Variants in AP2B1 observed in about 807,000 individuals in gnomAD.
AP2B1 encodes AP-2 complex subunit beta.
A neutral mutation model predicts 102.0 loss-of-function variants in AP2B1; 23 were observed. The ratio of observed to expected loss-of-function variants is 0.23; its 90% CI spans 0.16 to 0.32. The LOEUF (loss-of-function observed/expected upper bound fraction) is 0.32, where lower values mean the gene tolerates loss of function less well. Among genes scored for constraint, AP2B1 ranks in the 10% least tolerant of loss-of-function variants. AP2B1 has a pLI of 1.00. For missense variants in AP2B1, 541 were observed against 1,157.4 expected, an observed-to-expected ratio of 0.47 and a Z score of 7.73; for synonymous variants, 381 against 421.2, an observed-to-expected ratio of 0.90 and a Z score of 1.17.
intron 12 of AP2B1, among the ~76,000 whole-genome samples, chr17:35,645,740 T>C (rs1178864865): frequency 6.6e-6 from 1 of 151,934 alleles, no homozygotes; most frequent in Admixed American, 6.6e-5. Flanking sequence ...TCCCAACTAC[T>C]CGGGAGGCTG....
At chr17:35,589,763 G>A (rs548017209) in intron 1 of AP2B1, among the ~76,000 whole-genome samples, 1 of 152,292 alleles carries the variant, frequency 6.6e-6, no homozygotes, top group Admixed American at 6.5e-5. Context: ...TGGTAGAAAG[G>A]TAGTGTGAGT....
At chr17:35,674,061 G>A (rs2142970589) in intron 16 of AP2B1, 115 bp from the exon 17 acceptor site, 1 of 1,024,896 alleles carries the variant, frequency 9.8e-7, no homozygotes, top group South Asian at 1.9e-5. Flanking sequence ...AATTGCCTAA[G>A]GAAGTGAATT....
chr17:35,704,141 G>A (rs141535903), intron 18 of AP2B1, among the ~76,000 whole-genome samples: 5 of 152,238 alleles, frequency 3.3e-5, no homozygotes, highest in African/African-American at 9.6e-5. Flanking sequence ...CATCAGGATT[G>A]GAATTAAACT....
intron 18 of AP2B1, among the ~76,000 whole-genome samples, chr17:35,693,509 T>G (rs1175372561): frequency 2.0e-5 from 3 of 152,126 alleles, no homozygotes; most frequent in African/African-American, 7.2e-5. Context: ...AAGGAAAGCC[T>G]AAGTTTATGG....
At chr17:35,605,940 A>G in intron 4 of AP2B1, 100 bp downstream of exon 4, 1 of 1,514,570 alleles carries the variant, frequency 6.6e-7, no homozygotes, top group Non-Finnish European at 8.8e-7. Flanking sequence ...ATGACTAGGA[A>G]TGTTCATGTT....
At chr17:35,669,605 G>T (rs1347699873) in intron 14 of AP2B1, among the ~76,000 whole-genome samples, 1 of 152,142 alleles carries the variant, frequency 6.6e-6, no homozygotes, top group East Asian at 1.9e-4. Context: ...ACCTACCAGG[G>T]TTATTTTCTT....
At chr17:35,692,623 C>A (rs947522618) in intron 18 of AP2B1, among the ~76,000 whole-genome samples, 2 of 152,124 alleles carry the variant, frequency 1.3e-5, no homozygotes, top group Non-Finnish European at 2.9e-5. Flanking sequence ...TGTTTACTCT[C>A]TTATATTTTG....
At chr17:35,698,015 A>G (rs1159004165) in intron 18 of AP2B1, among the ~76,000 whole-genome samples, 1 of 152,200 alleles carries the variant, frequency 6.6e-6, no homozygotes, top group Admixed American at 6.5e-5. Context: ...ATTTCTCTTT[A>G]CTTTTAAGAA....
At chr17:35,615,045 T>A (rs1023631327) in intron 5 of AP2B1, among the ~76,000 whole-genome samples, 1 of 152,124 alleles carries the variant, frequency 6.6e-6, no homozygotes, top group Non-Finnish European at 1.5e-5. Context: ...GTTTTCAACA[T>A]CCTTCAGTGT....
At position 35,636,404 on chromosome 17, in the gene AP2B1, G is replaced by A; in HGVS notation, c.1219G>A (p.Val407Ile). The change falls in exon 10 of 22, where the codon GTC (valine) becomes ATC (isoleucine). Residue 407 changes from valine to isoleucine, a missense_variant. By Grantham distance (29) the Val-to-Ile change is conservative (BLOSUM62 3). Around this residue, in one of 10 missense-constraint regions of AP2B1, gnomAD observed 106 missense variants for 296.4 expected, o/e 0.36. Coordinates refer to ENST00000610402, the MANE Select transcript of AP2B1 (RefSeq NM_001030006.2). ...AATCCAGACCAAAGTGAATTATGTG[G>A]TCCAAGAAGCAATTGTTGTCATCAG... The part of the protein sequence containing the change: ...DLIQTKVNYV[V>I]QEAIVVIRDI... 1 of 1,614,070 alleles carries A rather than the reference G, an allele frequency of 6.2e-7. No homozygotes were observed. The highest frequency in any genetic ancestry group is 8.5e-7 in the Non-Finnish European group (1 of 1,179,970).
intron 17 of AP2B1, among the ~76,000 whole-genome samples, chr17:35,678,638 A>G (rs1487542936): frequency 6.6e-6 from 1 of 152,208 alleles, no homozygotes. Flanking sequence ...TTAGTCCATT[A>G]ATATGATGGA....
chr17:35,692,421 A>G (rs753096705), intron 18 of AP2B1, among the ~76,000 whole-genome samples: 2 of 152,234 alleles, frequency 1.3e-5, no homozygotes, highest in African/African-American at 4.8e-5. Context: ...ATGATTAGAA[A>G]TAGATTTAAC....
intron 1 of AP2B1, among the ~76,000 whole-genome samples, chr17:35,593,293 A>T (rs2073160026): frequency 6.6e-6 from 1 of 152,204 alleles, no homozygotes; most frequent in Non-Finnish European, 1.5e-5. Context: ...TAACTAAAAG[A>T]ATGTAATTGA....
chr17:35,717,608 C>T (rs1381501912), intron 21 of AP2B1, among the ~76,000 whole-genome samples: 1 of 152,172 alleles, frequency 6.6e-6, no homozygotes, highest in Non-Finnish European at 1.5e-5. Context: ...GAGTTGCTCA[C>T]AAAACTTGGC....
Position 35,674,190 on chromosome 17 carries a change from A to G in AP2B1, c.2193A>G (p.Ala731=), listed in dbSNP as rs751045548. ...YVAPKAVWLP[A]VKAKGLEISG... ...CTGTGTTTCAGGTCTGGCTACCTGC[A>G]GTAAAGGCTAAAGGCTTGGAGATTT... The change falls in exon 17 of 22, where the codon GCA becomes GCG. Residue 731 remains alanine (A), a synonymous_variant. Coordinates refer to ENST00000610402, the MANE Select transcript of AP2B1 (RefSeq NM_001030006.2). 1.9e-6 allele frequency: 3 copies of G among 1,614,192 alleles called. No individual in the cohort carries two copies. The highest frequency in any genetic ancestry group is 2.2e-5 in the East Asian group (1 of 44,888).
chr17:35,722,752 T>C lies in AP2B1; in HGVS notation c.2782-873T>C, dbSNP rs2085439212. On this transcript the variant is annotated intron_variant, in intron 21 of 21. Coordinates refer to ENST00000610402, the MANE Select transcript of AP2B1 (RefSeq NM_001030006.2). ...GAGGAATGATGTCAGCAATATAAAA[T>C]ATATAGCTATTAAATTTTCTGGTTC... is the stretch of plus-strand genomic sequence containing the variant. 2.6e-5 allele frequency among the ~76,000 whole-genome samples: 4 copies of C among 152,168 alleles called. No individual in the cohort carries two copies. In the South Asian group the frequency reaches 8.3e-4, roughly 32 times the overall value.
At chr17:35,597,235 C>CT in intron 2 of AP2B1, 1 of 373,166 alleles carries the variant, frequency 2.7e-6, no homozygotes, top group Non-Finnish European at 5.0e-6. Flanking sequence ...GGTAGATGAG[C>CT]TGGAGGATGT....
intron 10 of AP2B1, among the ~76,000 whole-genome samples, chr17:35,637,796 TG>T (rs1233683493): frequency 6.6e-6 from 1 of 151,180 alleles, no homozygotes. Context: ...AACATTCTCC[TG>T]CCTCAATCTC....
chr17:35,689,928 T>C (rs1016071692), intron 18 of AP2B1, among the ~76,000 whole-genome samples: 2 of 152,228 alleles, frequency 1.3e-5, no homozygotes, highest in African/African-American at 4.8e-5. Context: ...TGTAGTTGTT[T>C]TTCTTGTATT....
Sources: allele counts gnomAD v4.1 joint callset (sites outside exome capture counted in the v4.1 genomes callset), GRCh38; gene constraint gnomAD v4.1.1; regional missense constraint gnomAD v4.1.1; transcripts MANE v1.5; gene names NCBI Gene and HGNC (gene_info 2026-07-23, HGNC 2026-07-21).